Variants in AGT observed in about 807,000 individuals in gnomAD.
AGT encodes the protein angiotensinogen.
In AGT, 26 loss-of-function variants were observed where a neutral mutation model predicts 28.1. That is an observed-to-expected ratio of 0.92 (90% confidence interval 0.68 to 1.28). The LOEUF (loss-of-function observed/expected upper bound fraction) is 1.28, where lower values mean the gene tolerates loss of function less well. Ranked by LOEUF, AGT falls within the 50% of genes most tolerant of loss-of-function variation. The pLI, the probability that AGT is intolerant of heterozygous loss-of-function variation, is 0.00. For missense variants in AGT, 596 were observed against 592.3 expected, an observed-to-expected ratio of 1.01 and a Z score of -0.06; for synonymous variants, 259 against 259.6, an observed-to-expected ratio of 1.00 and a Z score of 0.02.
At chr1:230,712,830 C>T (rs913147) in intron 1 of AGT, among the ~76,000 whole-genome samples, 166 of 152,272 alleles carry the variant, frequency 1.1e-3, no homozygotes, top group African/African-American at 3.8e-3. Context: ...TCTGGGGTGG[C>T]GGGCCTGACA....
chr1:230,720,297 T>C (rs537151649), intron 1 of AGT, among the ~76,000 whole-genome samples: 1 of 152,342 alleles, frequency 6.6e-6, no homozygotes, highest in African/African-American at 2.4e-5. Context: ...AGTTGTTTCT[T>C]ACCTTGCAAA....
intron 1 of AGT, among the ~76,000 whole-genome samples, chr1:230,731,608 G>A (rs568468245): frequency 3.0e-4 from 46 of 152,304 alleles, no homozygotes; most frequent in Non-Finnish European, 4.7e-4. Flanking sequence ...GCTCACGTCT[G>A]TAATCCCAAC....
intron 1 of AGT, among the ~76,000 whole-genome samples, chr1:230,741,590 C>T (rs575956523): frequency 6.6e-6 from 1 of 152,158 alleles, no homozygotes; most frequent in Non-Finnish European, 1.5e-5. Flanking sequence ...TGAATGAGTG[C>T]CCACTAGGAC....
chr1:230,734,176 T>C (rs749929907), intron 1 of AGT, among the ~76,000 whole-genome samples: 25 of 152,250 alleles, frequency 1.6e-4, no homozygotes, highest in Middle Eastern at 3.4e-3. Context: ...AGACAAAATA[T>C]GACATATCCA....
chr1:230,706,366 T>A (rs1455188767), intron 2 of AGT, among the ~76,000 whole-genome samples, 166 bp from the exon 3 acceptor site: 3 of 152,152 alleles, frequency 2.0e-5, no homozygotes, highest in African/African-American at 7.2e-5. Flanking sequence ...GGACCGCAAG[T>A]GTGGCTCAAA....
rs1663282121 is a variant in AGT at position 230,703,243 on chromosome 1, CA to C, written c.1328del (p.Leu443TrpfsTer3). The C allele has an allele frequency of 2.5e-6, 4 of 1,614,190 alleles. No homozygotes were observed. The East Asian group carries it at 8.9e-5, about 36-fold the overall frequency. On this transcript the variant is annotated frameshift_variant, in exon 5 of 5. Transcript: ENST00000366667. LOFTEE classifies it low-confidence loss of function (END_TRUNC). Reference sequence around the variant, plus strand: ...GGAATGGGCGGTTCAGGGTCACCTCCAAGACCTCAGGCTTGTTAAGCTGTTG... The same window carrying C: ...GGAATGGGCGGTTCAGGGTCACCTCCAGACCTCAGGCTTGTTAAGCTGTTG... ...STQQLNKPEV[L>X]EVTLNRPFLF... is the part of the protein sequence containing the mutation.
At chr1:230,717,738 T>C (rs181081751), upstream of AGT, among the ~76,000 whole-genome samples, 13 of 152,318 alleles carry the variant, frequency 8.5e-5, no homozygotes, top group Admixed American at 8.5e-4. Context: ...TTCCCAGCAT[T>C]TCTGGTCCTC....
At chr1:230,741,822 G>A (rs1664253352) in intron 1 of AGT, among the ~76,000 whole-genome samples, 2 of 152,164 alleles carry the variant, frequency 1.3e-5, no homozygotes, top group Admixed American at 6.5e-5. Context: ...GAGATACACG[G>A]GGGAGGGAAG....
chr1:230,735,557 T>C (rs562519628), intron 1 of AGT, among the ~76,000 whole-genome samples: 1 of 152,250 alleles, frequency 6.6e-6, no homozygotes, highest in Admixed American at 6.5e-5. Flanking sequence ...GGCCTGCCCC[T>C]GGTCTTAGCA....
chr1:230,710,541 C>T lies in AGT; in HGVS notation c.283G>A (p.Ala95Thr), dbSNP rs201406560. 35 of 1,614,256 alleles carry T rather than the reference C, an allele frequency of 2.2e-5. No individual in the cohort carries two copies. In the Admixed American group the frequency reaches 3.8e-4, roughly 18 times the overall value. Reference sequence around the variant, plus strand: ...AAGTTGGCCAGCATCCCGACCATTGCGGCCCTCAACTTGTCTTCGGTGTCA... The same window carrying T: ...AAGTTGGCCAGCATCCCGACCATTGTGGCCCTCAACTTGTCTTCGGTGTCA... ...KLDTEDKLRAAMVGMLANFLG... is the reference protein window; with the variant it reads ...KLDTEDKLRATMVGMLANFLG... The change falls in exon 2 of 5, where the codon GCA becomes ACA. Residue 95 changes from alanine (A) to threonine (T), a missense_variant. Physicochemically the swap from Ala to Thr is moderately conservative, Grantham distance 58. Coordinates refer to ENST00000366667, the MANE Select transcript of AGT (RefSeq NM_001384479.1).
upstream of AGT, among the ~76,000 whole-genome samples, chr1:230,715,735 G>C (rs1446398782): frequency 6.6e-6 from 1 of 152,146 alleles, no homozygotes; most frequent in East Asian, 1.9e-4. Flanking sequence ...CAACAACCTT[G>C]TGCCCAGTGT....
intron 1 of AGT, among the ~76,000 whole-genome samples, chr1:230,720,675 CCTAA>C (rs1663825253): frequency 6.6e-6 from 1 of 152,202 alleles, no homozygotes; most frequent in Admixed American, 6.5e-5. Flanking sequence ...CCTGTCCTTT[CCTAA>C]CTGATTTTCT....
Position 230,710,158 on chromosome 1 carries a change from G to GC in AGT, c.665_666insG (p.Val224CysfsTer17). ...CCAGAGAGCGTGGGAGGACCACAGG[G>GC]GTATAGAGAGCCAGGCCCTGCACAA... On this transcript the variant is annotated frameshift_variant, in exon 2 of 5. Transcript: ENST00000366667. LOFTEE classifies it high-confidence loss of function. The GC allele has an allele frequency of 6.2e-7, 1 of 1,614,074 alleles. No homozygotes were observed. The highest frequency in any genetic ancestry group is 8.5e-7 in the Non-Finnish European group (1 of 1,180,032).
chr1:230,711,932 T>C (rs1663603138), intron 1 of AGT, among the ~76,000 whole-genome samples: 1 of 152,058 alleles, frequency 6.6e-6, no homozygotes, highest in Non-Finnish European at 1.5e-5. Context: ...GCCTTGCAGC[T>C]GGGCTTCAGC....
intron 1 of AGT, among the ~76,000 whole-genome samples, chr1:230,713,653 C>T (rs375175329): frequency 6.6e-6 from 1 of 152,092 alleles, no homozygotes; most frequent in African/African-American, 2.4e-5. Flanking sequence ...CAGTCTGTCT[C>T]GAGGGAGGGG....
intron 1 of AGT, among the ~76,000 whole-genome samples, chr1:230,729,977 C>T (rs554892161): frequency 2.0e-4 from 30 of 151,974 alleles, no homozygotes; most frequent in South Asian, 1.3e-3. Context: ...CTGGCTAACA[C>T]GGTGAAAACC....
chr1:230,742,271 C>T (rs970147307), intron 1 of AGT, among the ~76,000 whole-genome samples: 3 of 152,122 alleles, frequency 2.0e-5, no homozygotes, highest in African/African-American at 7.2e-5. Context: ...TCTTTCTCCA[C>T]AAATGCTGGC....
chr1:230,734,805 G>C (rs1664125896), intron 1 of AGT, among the ~76,000 whole-genome samples: 1 of 152,086 alleles, frequency 6.6e-6, no homozygotes, highest in East Asian at 1.9e-4. Context: ...CACCTCCCGG[G>C]TTCATGCCAC....
chr1:230,720,307 A>G (rs1261237586), intron 1 of AGT, among the ~76,000 whole-genome samples: 2 of 152,128 alleles, frequency 1.3e-5, no homozygotes, highest in Non-Finnish European at 2.9e-5. Context: ...TACCTTGCAA[A>G]CTCAAGAATT....
Sources: gnomAD v4.1 joint callset for allele counts (sites outside exome capture counted in the v4.1 genomes callset) on GRCh38, gnomAD v4.1.1 for gene constraint, MANE v1.5 for transcripts, NCBI Gene and HGNC (gene_info 2026-07-23, HGNC 2026-07-21) for gene names.